PPFIBP2: variants seen among roughly 807,000 people sequenced by gnomAD.
PPFIBP2 encodes liprin-beta-2.
Under a neutral mutation model 118.3 loss-of-function variants are expected in PPFIBP2, and 118 were observed. The ratio of observed to expected loss-of-function variants is 1.00; its 90% CI spans 0.86 to 1.16. The LOEUF (loss-of-function observed/expected upper bound fraction) is 1.16. Ranked by LOEUF, PPFIBP2 falls within the 50% of genes most tolerant of loss-of-function variation. PPFIBP2 has a pLI of 0.00. For missense variants in PPFIBP2, 1,195 were observed against 1,073.1 expected (o/e 1.11, Z -1.59); for synonymous variants, 414 against 397.4 (o/e 1.04, Z -0.50).
Position 7,566,175 on chromosome 11 carries a change from A to AC in PPFIBP2, c.279+408_279+409insC, listed in dbSNP as rs1479146718. ...AAACAAAAGACTGGTTACCTCATTG[A>AC]TTTAAAAAAAAGCTTGACAAATTTC... On this transcript the variant is annotated intron_variant, in intron 3 of 23. Transcript: ENST00000299492. Among the ~76,000 whole-genome samples, 347 of 152,116 alleles carry AC rather than the reference A, an allele frequency of 2.3e-3. 3 individuals are homozygous for AC. The highest frequency in any genetic ancestry group is 0.01 in the Middle Eastern group (3 of 294).
chr11:7,580,408 C>A (rs1857098773), intron 3 of PPFIBP2, among the ~76,000 whole-genome samples: 1 of 152,212 alleles, frequency 6.6e-6, no homozygotes. Flanking sequence ...CTTCATTCTC[C>A]TTTACAGAGG....
At chr11:7,580,900 G>A (rs1207083810) in intron 3 of PPFIBP2, among the ~76,000 whole-genome samples, 5 of 152,188 alleles carry the variant, frequency 3.3e-5, no homozygotes, top group Admixed American at 6.5e-5. Flanking sequence ...AGGAACAGAT[G>A]GAACCAGGTT....
intron 3 of PPFIBP2, among the ~76,000 whole-genome samples, chr11:7,583,619 C>T (rs1189508915): frequency 6.6e-6 from 1 of 152,158 alleles, no homozygotes; most frequent in Non-Finnish European, 1.5e-5. Context: ...ATGTGTCCAG[C>T]TACCAGATAA....
intron 1 of PPFIBP2, among the ~76,000 whole-genome samples, chr11:7,518,044 G>T (rs966403027): frequency 6.6e-6 from 1 of 152,246 alleles, no homozygotes; most frequent in Admixed American, 6.5e-5. Flanking sequence ...TTGCTAGGAG[G>T]CTTCTGTGTG....
At chr11:7,514,317 C>T (rs1223169493) in intron 1 of PPFIBP2, among the ~76,000 whole-genome samples, 196 bp downstream of exon 1, 5 of 152,242 alleles carry the variant, frequency 3.3e-5, no homozygotes, top group Non-Finnish European at 7.3e-5. Flanking sequence ...GGCCAGAAGC[C>T]TGGGAGGAGG....
chr11:7,516,733 A>G (rs1436449585), intron 1 of PPFIBP2, among the ~76,000 whole-genome samples: 1 of 152,106 alleles, frequency 6.6e-6, no homozygotes, highest in Non-Finnish European at 1.5e-5. Flanking sequence ...TCTGTCTTCA[A>G]GGGGTACGTG....
intron 3 of PPFIBP2, among the ~76,000 whole-genome samples, chr11:7,573,336 A>G (rs1051066864): frequency 1.3e-5 from 2 of 152,130 alleles, no homozygotes; most frequent in Non-Finnish European, 2.9e-5. Context: ...TATTTCTTAC[A>G]CTCATCAGCT....
chr11:7,648,288 T>C, intron 17 of PPFIBP2, 99 bp from the exon 18 acceptor site: 1 of 1,386,110 alleles, frequency 7.2e-7, no homozygotes, highest in South Asian at 1.5e-5. Flanking sequence ...GTTTTTTGTT[T>C]TGTTTTTTCT....
intron 1 of PPFIBP2, among the ~76,000 whole-genome samples, chr11:7,524,469 T>C (rs1309219653): frequency 6.6e-6 from 1 of 152,194 alleles, no homozygotes; most frequent in African/African-American, 2.4e-5. Flanking sequence ...CCAACTTTGG[T>C]GGATTTGACA....
Sources: gnomAD v4.1 joint callset for allele counts (sites outside exome capture counted in the v4.1 genomes callset) on GRCh38, gnomAD v4.1.1 for gene constraint, MANE v1.5 for transcripts, NCBI Gene and HGNC (gene_info 2026-07-23, HGNC 2026-07-21) for gene names.